MAGI2: variants seen among roughly 807,000 people sequenced by gnomAD.
MAGI2 encodes membrane associated guanylate kinase, WW and PDZ domain containing 2.
In MAGI2, 35 loss-of-function variants were observed where a neutral mutation model predicts 133.3. The observed-to-expected ratio is 0.26, with a 90% CI of 0.20 to 0.35. The LOEUF (loss-of-function observed/expected upper bound fraction) is 0.35. Ranked by LOEUF, MAGI2 falls within the 10% of genes least tolerant of loss-of-function variation. The probability of loss-of-function intolerance (pLI) is 1.00; values close to 1 mark genes in which losing one functional copy is unlikely to be tolerated. For synonymous variants in MAGI2, 729 were observed against 710.6 expected (o/e 1.03, Z -0.41); for missense variants, 1,636 against 1,863.4 (o/e 0.88, Z 2.25).
At chr7:78,109,240 C>G (rs1251492062) in intron 20 of MAGI2, among the ~76,000 whole-genome samples, 2 of 114,658 alleles carry the variant, frequency 1.7e-5, no homozygotes, top group Non-Finnish European at 3.4e-5. Context: ...GGAGGCGGAG[C>G]TTGCAGTGAG....
At chr7:78,101,714 A>C (rs1399592924) in intron 20 of MAGI2, among the ~76,000 whole-genome samples, 1 of 152,202 alleles carries the variant, frequency 6.6e-6, no homozygotes, top group Non-Finnish European at 1.5e-5. Flanking sequence ...GCATCAAACC[A>C]AAGAGCATTT....
intron 6 of MAGI2, among the ~76,000 whole-genome samples, chr7:78,449,184 G>C (rs550860878): frequency 7.9e-5 from 12 of 151,982 alleles, no homozygotes; most frequent in Admixed American, 7.2e-4. Flanking sequence ...GGAAACATGT[G>C]TAGGCCCCTG....
intron 1 of MAGI2, among the ~76,000 whole-genome samples, chr7:79,159,436 G>T (rs893766834): frequency 2.7e-5 from 4 of 149,882 alleles, no homozygotes; most frequent in Non-Finnish European, 5.9e-5. Context: ...AGAATGTCTT[G>T]AACCCAGGAG....
intron 7 of MAGI2, chr7:78,358,743 G>A (rs1792445267): frequency 4.8e-6 from 1 of 209,594 alleles, no homozygotes; most frequent in Admixed American, 5.7e-5. Context: ...GGGGAGAAGA[G>A]GAAGGAGAAG....
chr7:78,134,391 C>G (rs1169706772), intron 17 of MAGI2: 1 of 152,260 alleles, frequency 6.6e-6, no homozygotes, highest in African/African-American at 2.4e-5. Context: ...CATGAACCCA[C>G]TGTCTCTGGA....
At chr7:79,290,398 ATT>A in intron 1 of MAGI2, among the ~76,000 whole-genome samples, 1 of 151,004 alleles carries the variant, frequency 6.6e-6, no homozygotes, top group East Asian at 2.0e-4. Flanking sequence ...TTAATTTTAA[ATT>A]TTTTTGAATG....
At position 78,815,382 on chromosome 7, in the gene MAGI2, C is replaced by A. The variant is rs75524016; in HGVS notation, c.419-188143G>T. Among the ~76,000 whole-genome samples the A allele has an allele frequency of 2.4e-3, 370 of 152,266 alleles. 1 individual carries two copies. The highest frequency in any genetic ancestry group is 8.3e-3 in the African/African-American group (345 of 41,552). ...GGATTTAAAGAGTAACTTTACTGAG[C>A]AGAAACTGAGAGTTAATGGAAAGAA... On this transcript the variant is annotated intron_variant, in intron 2 of 21. Transcript: ENST00000354212.
chr7:79,293,073 C>G (rs943023743), intron 1 of MAGI2, among the ~76,000 whole-genome samples: 3 of 152,184 alleles, frequency 2.0e-5, no homozygotes, highest in Admixed American at 1.3e-4. Context: ...CCTTATAGCT[C>G]TTCCACTTCT....
At chr7:79,151,144 T>G (rs1823196192) in intron 1 of MAGI2, among the ~76,000 whole-genome samples, 1 of 152,174 alleles carries the variant, frequency 6.6e-6, no homozygotes, top group Non-Finnish European at 1.5e-5. Context: ...GGCTATGTAC[T>G]TTCTTGCATA....
intron 9 of MAGI2, among the ~76,000 whole-genome samples, chr7:78,273,362 C>G (rs1384246789): frequency 6.6e-6 from 1 of 152,148 alleles, no homozygotes; most frequent in Non-Finnish European, 1.5e-5. Context: ...TCTGGCTGCC[C>G]TTAACATTTT....
intron 2 of MAGI2, among the ~76,000 whole-genome samples, chr7:78,816,005 C>T (rs1304652720): frequency 6.6e-6 from 1 of 152,102 alleles, no homozygotes; most frequent in Non-Finnish European, 1.5e-5. Flanking sequence ...GCTTCTTGCA[C>T]CACATAGTTA....
intron 1 of MAGI2, among the ~76,000 whole-genome samples, chr7:79,082,231 T>C (rs1289890109): frequency 2.0e-5 from 3 of 152,098 alleles, no homozygotes; most frequent in African/African-American, 7.2e-5. Flanking sequence ...GATGAAATCA[T>C]GTATATCTAT....
At chr7:78,758,816 C>G (rs1478445992) in intron 2 of MAGI2, among the ~76,000 whole-genome samples, 1 of 152,200 alleles carries the variant, frequency 6.6e-6, no homozygotes, top group Non-Finnish European at 1.5e-5. Context: ...AATATTCATT[C>G]TTCAAAATCT....
chr7:79,171,770 A>ATATATATATATATTTTTT lies in MAGI2; in HGVS notation c.302-164565_302-164564insAAAAAATATATATATATA. ...TATATATATATATATATATATATAT[A>ATATATATATATATTTTTT]TTTTTTTTTTTTTTTTCTTTTAAAG... On this transcript the variant is annotated intron_variant, in intron 1 of 21. Transcript: ENST00000354212. Among the ~76,000 whole-genome samples the ATATATATATATATTTTTT allele has an allele frequency of 2.0e-3, 63 of 31,178 alleles. 3 individuals carry two copies. The highest frequency in any genetic ancestry group is 4.0e-3 in the Non-Finnish European group (36 of 8,988). 20.5% of individuals were successfully genotyped at this position (31,178 alleles called of 152,430 possible).
intron 1 of MAGI2, among the ~76,000 whole-genome samples, chr7:79,252,991 T>C (rs555842529): frequency 6.6e-6 from 1 of 152,272 alleles, no homozygotes; most frequent in South Asian, 2.1e-4. Context: ...ATAACTGACA[T>C]ATCTAAAAGC....
chr7:79,423,161 C>A (rs969269630), intron 1 of MAGI2, among the ~76,000 whole-genome samples: 1 of 151,852 alleles, frequency 6.6e-6, no homozygotes, highest in Non-Finnish European at 1.5e-5. Flanking sequence ...AATAAATATA[C>A]GTATTGGTAC....
Position 78,178,120 on chromosome 7 carries a change from C to A in MAGI2, c.2312-18G>T. On this transcript the variant is annotated intron_variant, in intron 13 of 21. Coordinates refer to ENST00000354212, the MANE Select transcript of MAGI2 (RefSeq NM_012301.4). ...ATCTGGACCTGGCATAAAGGAGATCCCATTGAGTAATGAATCCTGCCTCTT... is the reference window on the plus strand; with the variant it reads ...ATCTGGACCTGGCATAAAGGAGATCACATTGAGTAATGAATCCTGCCTCTT... The A allele has an allele frequency of 1.3e-6, 2 of 1,507,878 alleles. No individual in the cohort carries two copies. 93.4% of individuals were successfully genotyped at this position (1,507,878 alleles called of 1,614,324 possible).
chr7:78,485,559 T>G (rs565857604), intron 6 of MAGI2: 3 of 152,160 alleles, frequency 2.0e-5, no homozygotes, highest in East Asian at 3.9e-4. Context: ...AGAAAACTTT[T>G]GTTAGTTTTT....
At chr7:79,231,439 T>C (rs960241967) in intron 1 of MAGI2, among the ~76,000 whole-genome samples, 2,862 of 77,084 alleles carry the variant, frequency 0.037, 657 homozygotes, top group African/African-American at 0.1. Flanking sequence ...GGAATGTTCT[T>C]CCATTTGTTT....
Sources: allele counts gnomAD v4.1 joint callset (sites outside exome capture counted in the v4.1 genomes callset), GRCh38; gene constraint gnomAD v4.1.1; transcripts MANE v1.5; gene names NCBI Gene and HGNC (gene_info 2026-07-23, HGNC 2026-07-21).